DISP3: variants seen among roughly 807,000 people sequenced by gnomAD.
DISP3 encodes the protein protein dispatched homolog 3.
In DISP3, 101 loss-of-function variants were observed where a neutral mutation model predicts 135.3. That is an observed-to-expected ratio of 0.75 (90% CI 0.64 to 0.88). The LOEUF is 0.88. DISP3 is among the 40% of genes least tolerant of loss of function. DISP3 has a pLI of 0.00. For missense variants in DISP3, 1,713 were observed against 1,878.6 expected (o/e 0.91, Z 1.63); for synonymous variants, 856 against 817.0 (o/e 1.05, Z -0.81).
Position 11,529,423 on chromosome 1 carries a change from C to T in DISP3, c.2799-133C>T, listed in dbSNP as rs1335295009. ...CAGCCCTCAACCTGAGAACAAATCC[C>T]CATGCCGGGGCAGAGCCCGAGTCCA... On this transcript the variant is annotated intron_variant, in intron 13 of 20. Transcript: ENST00000294484. The surrounding 1 kb of genome is among the most constrained non-coding windows in gnomAD (Gnocchi z 4.7). 1.9e-5 allele frequency: 21 copies of T among 1,115,862 alleles called. No homozygotes were observed. Among genetic ancestry groups the T allele is most frequent in the Non-Finnish European group, 2.3e-5 (18 of 783,566 alleles). The allele number at this position is 1,115,862 out of a possible 1,614,324, so 69.1% of individuals were successfully genotyped here.
chr1:11,484,033 T>C (rs2100350617), intron 1 of DISP3, among the ~76,000 whole-genome samples: 1 of 152,314 alleles, frequency 6.6e-6, no homozygotes, highest in East Asian at 1.9e-4. Flanking sequence ...GGGACCTAAC[T>C]GATGCAGCCA....
intron 7 of DISP3, among the ~76,000 whole-genome samples, chr1:11,518,489 C>T (rs1017416603): frequency 2.0e-5 from 3 of 152,214 alleles, no homozygotes; most frequent in Non-Finnish European, 4.4e-5. Flanking sequence ...TTTTCCGTGA[C>T]AGTTTCATGA....
At chr1:11,490,341 C>G (rs1292280402) in intron 1 of DISP3, among the ~76,000 whole-genome samples, 1 of 152,152 alleles carries the variant, frequency 6.6e-6, no homozygotes, top group East Asian at 1.9e-4. Context: ...GATCTTGGCT[C>G]ACTGCAACCT....
intron 1 of DISP3, among the ~76,000 whole-genome samples, chr1:11,480,168 G>A (rs1640856546): frequency 6.6e-6 from 1 of 152,122 alleles, no homozygotes; most frequent in African/African-American, 2.4e-5. Context: ...TTCTCTTCTC[G>A]GCCTCTGCTC....
chr1:11,530,733 G>A (rs192628401), intron 15 of DISP3, among the ~76,000 whole-genome samples, 174 bp from the exon 16 acceptor site: 2 of 152,078 alleles, frequency 1.3e-5, no homozygotes, highest in East Asian at 1.9e-4. Flanking sequence ...GCTGGCGGGG[G>A]CAGGGCAGAG....
At chr1:11,509,645 A>C (rs1385901227) in intron 3 of DISP3, among the ~76,000 whole-genome samples, 7 of 152,218 alleles carry the variant, frequency 4.6e-5, no homozygotes, top group Admixed American at 3.3e-4. Context: ...CTTTGCCCCT[A>C]GTTATATTCT....
Position 11,516,675 on chromosome 1 carries a change from GA to G in DISP3, c.1749+515del, listed in dbSNP as rs775861319. ...TGAGTGGGGCTTAGGAGAAGGCATT[GA>G]GCCCAGGCTGGGTCCTTGGTACAGA... On this transcript the variant is annotated intron_variant, in intron 6 of 20. Transcript: ENST00000294484. The surrounding 1 kb of genome is among the most constrained non-coding windows in gnomAD (Gnocchi z 5.1). Among the ~76,000 whole-genome samples, 19 of 152,192 alleles carry G rather than the reference GA, an allele frequency of 1.2e-4. No individual in the cohort carries two copies. Among genetic ancestry groups the G allele is most frequent in the Non-Finnish European group, 1.9e-4 (13 of 68,030 alleles).
chr1:11,520,974 C>A lies in DISP3; in HGVS notation c.2362+126C>A. On this transcript the variant is annotated intron_variant, in intron 10 of 20. Coordinates refer to ENST00000294484, the MANE Select transcript of DISP3 (RefSeq NM_020780.2). The surrounding 1 kb of genome is among the most constrained non-coding windows in gnomAD (Gnocchi z 4.8). ...GACCTCAGGCAAATCCCACTCCCCT[C>A]TGAGCCCCCATGTTCCCACAGTTCA... The A allele has an allele frequency of 8.5e-7, 1 of 1,171,980 alleles. No homozygotes were observed. Among genetic ancestry groups the A allele is most frequent in the Non-Finnish European group, 1.2e-6 (1 of 854,552 alleles). The allele number at this position is 1,171,980 out of a possible 1,614,324, so 72.6% of individuals were successfully genotyped here. A position where few individuals can be genotyped will look rare whatever the true frequency, so the allele number is the denominator to read the frequency against.
chr1:11,484,548 G>A (rs868204837), intron 1 of DISP3, among the ~76,000 whole-genome samples: 1 of 152,228 alleles, frequency 6.6e-6, no homozygotes, highest in Non-Finnish European at 1.5e-5. Context: ...TAAGGTCTGG[G>A]TATGTTTCTC....
chr1:11,526,592 C>G, intron 12 of DISP3, 59 bp from the exon 13 acceptor site: 26 of 1,562,334 alleles, frequency 1.7e-5, no homozygotes, highest in Non-Finnish European at 2.2e-5. Context: ...CTGAGGCTGG[C>G]CCAGGCCGAG....
At chr1:11,511,568 C>A (rs1641856379) in intron 3 of DISP3, among the ~76,000 whole-genome samples, 1 of 152,190 alleles carries the variant, frequency 6.6e-6, no homozygotes. Flanking sequence ...GGCAGCTTTG[C>A]CCCTGTGGCT....
In DISP3 at chr1:11,520,040, C is replaced by T. The variant is rs751500899; in HGVS notation, c.2200+160C>T. Among the ~76,000 whole-genome samples, 1 of 152,210 alleles carries T rather than the reference C, an allele frequency of 6.6e-6. No homozygotes were observed. Among genetic ancestry groups the T allele is most frequent in the Non-Finnish European group, 1.5e-5 (1 of 68,040 alleles). On this transcript the variant is annotated intron_variant, in intron 9 of 20. Transcript: ENST00000294484. This position sits in a 1 kb window ranked among gnomAD's most constrained non-coding sequence, Gnocchi z 4.8. ...CCCTCTTTCCTGTGCAGAATGAAGC[C>T]GGTCATGGCGGCTGTTACTCATTGG...
rs978584484 is a variant in DISP3 at position 11,499,063 on chromosome 1, G to A, written c.-3-1927G>A. 6.6e-5 allele frequency among the ~76,000 whole-genome samples: 10 copies of A among 152,162 alleles called. No individual in the cohort carries two copies. Among genetic ancestry groups the A allele is most frequent in the Non-Finnish European group, 8.8e-5 (6 of 68,018 alleles). ...GATCTGGGAAAGCTTCTTGGAAGAG[G>A]TAACGCTTGAGCAAGGACTTGCATG... On this transcript the variant is annotated intron_variant, in intron 1 of 20. Transcript: ENST00000294484. The surrounding 1 kb of genome is among the most constrained non-coding windows in gnomAD (Gnocchi z 5.2).
intron 20 of DISP3, 101 bp downstream of exon 20, chr1:11,535,745 C>T (rs2243838): frequency 0.15 from 208,090 of 1,408,526 alleles, 17,672 homozygotes; most frequent in East Asian, 0.42. Context: ...ATCCCAGCAC[C>T]AGGACCCCCA....
chr1:11,480,504 G>A, intron 1 of DISP3, among the ~76,000 whole-genome samples: 1 of 152,030 alleles, frequency 6.6e-6, no homozygotes, highest in East Asian at 1.9e-4. Flanking sequence ...CACGTTCGTG[G>A]ACCTGGGCAG....
chr1:11,493,218 A>G (rs1469487031), intron 1 of DISP3, among the ~76,000 whole-genome samples: 1 of 152,192 alleles, frequency 6.6e-6, no homozygotes, highest in Non-Finnish European at 1.5e-5. Flanking sequence ...CAATGGTGTA[A>G]GTTCTAGTCT....
At chr1:11,480,438 A>G (rs1181305770) in intron 1 of DISP3, among the ~76,000 whole-genome samples, 1 of 152,082 alleles carries the variant, frequency 6.6e-6, no homozygotes, top group Non-Finnish European at 1.5e-5. Context: ...AGGCGCACAC[A>G]ATCCACGCAG....
intron 3 of DISP3, among the ~76,000 whole-genome samples, chr1:11,504,580 A>T (rs1421064292): frequency 6.6e-6 from 1 of 152,178 alleles, no homozygotes; most frequent in Non-Finnish European, 1.5e-5. Context: ...ATGGGGGTGG[A>T]TCCTTCATAA....
rs914913794 is a variant in DISP3 at position 11,531,795 on chromosome 1, G to C, written c.3375+85G>C. On this transcript the variant is annotated intron_variant, in intron 17 of 20. Coordinates refer to ENST00000294484, the MANE Select transcript of DISP3 (RefSeq NM_020780.2). The surrounding 1 kb of genome is among the most constrained non-coding windows in gnomAD (Gnocchi z 5.2). ...CTGATCCCAGCCCTCTTCCCAGATCGGGGGGGAGATGCTGAGGCCCAGAGA... is the reference window on the plus strand; with the variant it reads ...CTGATCCCAGCCCTCTTCCCAGATCCGGGGGGAGATGCTGAGGCCCAGAGA... The C allele has an allele frequency of 6.8e-6, 10 of 1,479,708 alleles. No individual in the cohort carries two copies. The East Asian group carries it at 1.4e-4, about 21-fold the overall frequency. 91.7% of individuals were successfully genotyped at this position (1,479,708 alleles called of 1,614,324 possible). A position where few individuals can be genotyped will look rare whatever the true frequency, so the allele number is the denominator to read the frequency against.
Sources: allele counts gnomAD v4.1 joint callset (sites outside exome capture counted in the v4.1 genomes callset), GRCh38; gene constraint gnomAD v4.1.1; non-coding constraint Gnocchi (gnomAD v3.1); transcripts MANE v1.5; gene names NCBI Gene and HGNC (gene_info 2026-07-23, HGNC 2026-07-21).